Variants in DCDC1 observed in about 807,000 individuals in gnomAD.
DCDC1 encodes doublecortin domain containing 1.
A neutral mutation model predicts 178.3 loss-of-function variants in DCDC1; 200 were observed. That is an observed-to-expected ratio of 1.12 (90% CI 1.00 to 1.26). The LOEUF is 1.26. Ranked by LOEUF, DCDC1 falls within the 50% of genes most tolerant of loss-of-function variation. DCDC1 has a pLI of 0.00. For missense variants in DCDC1, 1,983 were observed against 1,749.2 expected, an observed-to-expected ratio of 1.13 and a Z score of -2.38; for synonymous variants, 690 against 604.8, an observed-to-expected ratio of 1.14 and a Z score of -2.07.
chr11:31,251,986 A>C (rs534227945), intron 8 of DCDC1, among the ~76,000 whole-genome samples: 1 of 152,330 alleles, frequency 6.6e-6, no homozygotes, highest in East Asian at 1.9e-4. Context: ...TGATACAATT[A>C]AAGTATTGGT....
intron 38 of DCDC1, among the ~76,000 whole-genome samples, chr11:30,869,481 G>A (rs1941331461): frequency 6.6e-6 from 1 of 152,204 alleles, no homozygotes; most frequent in Admixed American, 6.5e-5. Context: ...CGCCTGCTAT[G>A]TAGTAAGGGC....
chr11:30,950,177 C>A (rs1948330475), intron 21 of DCDC1, among the ~76,000 whole-genome samples: 1 of 152,084 alleles, frequency 6.6e-6, no homozygotes, highest in Admixed American at 6.6e-5. Flanking sequence ...AAAAGAAAGA[C>A]AACAATGAAT....
At chr11:30,943,710 G>A (rs1565105897) in intron 21 of DCDC1, 1 of 444,222 alleles carries the variant, frequency 2.3e-6, no homozygotes, top group East Asian at 7.0e-5. Flanking sequence ...ATTTATTAAT[G>A]TTGGTTTTCA....
intron 9 of DCDC1, among the ~76,000 whole-genome samples, chr11:31,153,883 T>A (rs539498038): frequency 4.0e-4 from 58 of 143,932 alleles, no homozygotes; most frequent in African/African-American, 1.5e-3. Context: ...ACACACACAC[T>A]CTCACACCTG....
intron 2 of DCDC1, among the ~76,000 whole-genome samples, chr11:31,330,097 T>G (rs1000259691): frequency 1.3e-5 from 2 of 152,186 alleles, no homozygotes; most frequent in African/African-American, 4.8e-5. Context: ...CCATTCTAAC[T>G]GGTGTGAGAT....
intron 14 of DCDC1, among the ~76,000 whole-genome samples, chr11:31,102,818 G>C (rs1172771550): frequency 6.6e-6 from 1 of 152,178 alleles, no homozygotes; most frequent in African/African-American, 2.4e-5. Flanking sequence ...TAGTCACAAA[G>C]TGTGTGTCCA....
chr11:31,212,094 A>AAAAAAC (rs1972612721), intron 9 of DCDC1, among the ~76,000 whole-genome samples: 2 of 151,914 alleles, frequency 1.3e-5, no homozygotes, highest in Admixed American at 1.3e-4. Flanking sequence ...AAAAAAAAAA[A>AAAAAAC]AAAACAGCTA....
chr11:31,072,148 T>C (rs1956605495), intron 18 of DCDC1, among the ~76,000 whole-genome samples: 1 of 152,194 alleles, frequency 6.6e-6, no homozygotes, highest in Non-Finnish European at 1.5e-5. Context: ...TTCCTAATGT[T>C]AAAGGGAAGA....
At chr11:31,141,782 T>C (rs938522815) in intron 9 of DCDC1, among the ~76,000 whole-genome samples, 1 of 152,286 alleles carries the variant, frequency 6.6e-6, no homozygotes, top group African/African-American at 2.4e-5. Context: ...TTTTGGAAAG[T>C]GCATTTTAAT....
chr11:31,164,447 T>C (rs1391811469), intron 9 of DCDC1, among the ~76,000 whole-genome samples: 2 of 152,156 alleles, frequency 1.3e-5, no homozygotes, highest in African/African-American at 2.4e-5. Flanking sequence ...CTGAAGACCT[T>C]CTAGTGGGAC....
chr11:30,895,109 A>C (rs1231343171), intron 34 of DCDC1, among the ~76,000 whole-genome samples: 1 of 152,234 alleles, frequency 6.6e-6, no homozygotes, highest in Non-Finnish European at 1.5e-5. Context: ...AGATATACTC[A>C]GCCCACATTT....
intron 20 of DCDC1, among the ~76,000 whole-genome samples, chr11:31,002,853 A>T (rs564894083): frequency 1.3e-5 from 2 of 152,118 alleles, no homozygotes; most frequent in Non-Finnish European, 2.9e-5. Context: ...AAGTGCTATA[A>T]ATTTCTGTAA....
chr11:31,205,939 C>T lies in DCDC1; in HGVS notation c.1221+35511G>A, dbSNP rs75202965. Among the ~76,000 whole-genome samples, 44 of 152,178 alleles carry T rather than the reference C, an allele frequency of 2.9e-4. No homozygotes were observed. In the East Asian group the frequency reaches 7.9e-3, roughly 27 times the overall value. On this transcript the variant is annotated intron_variant, in intron 9 of 38. Transcript: ENST00000684477. ...TTCTATCTCAAAAGCTGAACCTTACCTCATAAATATCTATACCTACTATGT... is the reference window on the plus strand; with the variant it reads ...TTCTATCTCAAAAGCTGAACCTTACTTCATAAATATCTATACCTACTATGT...
rs1404259118 is a variant in DCDC1, at chr11:30,900,372, C to A, written c.4637G>T (p.Cys1546Phe). ...ATTTGGAGGTAGAAATGGTTCACCA[C>A]AAGACACCCAGATGGCAATAGGATT... ...LRNPIAIWVS[C>F]GEPFLPPNAL... The change falls in exon 33 of 39, where the codon TGT (cysteine) becomes TTT (phenylalanine). Residue 1546 changes from cysteine (C) to phenylalanine (F), a missense_variant. Coordinates refer to ENST00000684477, the MANE Select transcript of DCDC1 (RefSeq NM_001387274.1). 9.6e-6 allele frequency: 15 copies of A among 1,562,480 alleles called. No individual in the cohort carries two copies. The highest frequency in any genetic ancestry group is 1.4e-5 in the African/African-American group (1 of 73,560).
chr11:31,307,513 AAAAC>A, intron 4 of DCDC1, 122 bp downstream of exon 4: 1 of 1,346,340 alleles, frequency 7.4e-7, no homozygotes, highest in Non-Finnish European at 1.0e-6. Flanking sequence ...AACAAAAACA[AAAAC>A]AAAACCCGAG....
chr11:31,287,454 C>T (rs1946916987), intron 7 of DCDC1, among the ~76,000 whole-genome samples: 1 of 151,828 alleles, frequency 6.6e-6, no homozygotes, highest in African/African-American at 2.4e-5. Flanking sequence ...TTTAACAAAA[C>T]ATCTCAAAAG....
At chr11:31,066,674 T>C (rs2135497741) in intron 18 of DCDC1, among the ~76,000 whole-genome samples, 1 of 152,336 alleles carries the variant, frequency 6.6e-6, no homozygotes, top group South Asian at 2.1e-4. Flanking sequence ...CTGAAAAGGC[T>C]ACAACTCTGG....
In DCDC1 at chr11:30,946,184, C is replaced by T. The variant is rs139997622; in HGVS notation, c.2715+6261G>A. Among the ~76,000 whole-genome samples the T allele has an allele frequency of 7.7e-3, 1,176 of 152,302 alleles. 11 individuals carry two copies. The highest frequency in any genetic ancestry group is 0.013 in the Non-Finnish European group (913 of 68,026). ...CTCAGAGGCCTCTAAGGATATTCCTCTTGCCCTATTTGGCTACTAGGCAAC... is the reference window on the plus strand; with the variant it reads ...CTCAGAGGCCTCTAAGGATATTCCTTTTGCCCTATTTGGCTACTAGGCAAC... On this transcript the variant is annotated intron_variant, in intron 21 of 38. Coordinates refer to ENST00000684477, the MANE Select transcript of DCDC1 (RefSeq NM_001387274.1).
At chr11:31,021,387 T>C (rs949379829) in intron 20 of DCDC1, among the ~76,000 whole-genome samples, 1 of 152,214 alleles carries the variant, frequency 6.6e-6, no homozygotes, top group Admixed American at 6.5e-5. Flanking sequence ...AACGGAATAA[T>C]ATGCATTAAA....
Sources: allele counts gnomAD v4.1 joint callset (sites outside exome capture counted in the v4.1 genomes callset), GRCh38; gene constraint gnomAD v4.1.1; transcripts MANE v1.5; gene names NCBI Gene and HGNC (gene_info 2026-07-23, HGNC 2026-07-21).